TRIM6: variants seen among roughly 807,000 people sequenced by gnomAD.
TRIM6 encodes the protein tripartite motif containing 6.
Under a neutral mutation model 51.2 loss-of-function variants are expected in TRIM6, and 43 were observed. The ratio of observed to expected loss-of-function variants is 0.84; its 90% confidence interval spans 0.66 to 1.08. The LOEUF is 1.08. Among genes scored for constraint, TRIM6 ranks in the 50% least tolerant of loss-of-function variants. The pLI, the probability that TRIM6 is intolerant of heterozygous loss-of-function variation, is 0.00. For missense variants in TRIM6, 669 were observed against 619.0 expected, an observed-to-expected ratio of 1.08 and a Z score of -0.86; for synonymous variants, 215 against 232.4, an observed-to-expected ratio of 0.93 and a Z score of 0.68.
At chr11:5,609,837 C>G (rs574813106) in intron 5 of TRIM6, among the ~76,000 whole-genome samples, 1 of 152,118 alleles carries the variant, frequency 6.6e-6, no homozygotes, top group Non-Finnish European at 1.5e-5. Flanking sequence ...GCAGGAGAAT[C>G]GCTTGAACCT....
At chr11:5,603,811 C>T (rs570422174) in intron 2 of TRIM6, 76 bp downstream of exon 2, 1 of 1,544,968 alleles carries the variant, frequency 6.5e-7, no homozygotes, top group Admixed American at 2.0e-5. Context: ...ATGCTCTGAT[C>T]TAATCTCTTT....
At chr11:5,604,662 G>A in intron 3 of TRIM6, 33 bp downstream of exon 3, 1 of 1,601,672 alleles carries the variant, frequency 6.2e-7, no homozygotes, top group Non-Finnish European at 8.5e-7. Flanking sequence ...ATGTCCTGGG[G>A]CAGGAATCAT....
At chr11:5,607,172 C>G (rs1297559460) in intron 4 of TRIM6, among the ~76,000 whole-genome samples, 1 of 152,028 alleles carries the variant, frequency 6.6e-6, no homozygotes, top group African/African-American at 2.4e-5. Flanking sequence ...CCACTGCACT[C>G]CAGCCTGGGC....
chr11:5,608,365 T>G lies in TRIM6; in HGVS notation c.835-7T>G, dbSNP rs780584718. 4 of 1,613,524 alleles carry G rather than the reference T, an allele frequency of 2.5e-6. No homozygotes were observed. The highest frequency in any genetic ancestry group is 3.4e-6 in the Non-Finnish European group (4 of 1,179,684). ...TCCTTGACTTAACCTGTCTTTTTCC[T>G]TCCTAGGATGTGAGTGATGTCACAG... On this transcript the variant is annotated splice_polypyrimidine_tract_variant and splice_region_variant and intron_variant, in intron 4 of 7. Coordinates refer to ENST00000380097, the MANE Select transcript of TRIM6 (RefSeq NM_001003818.3).
At position 5,604,590 on chromosome 11, in the gene TRIM6, G is replaced by A; in HGVS notation, c.564G>A (p.Lys188=). The A allele has an allele frequency of 1.2e-6, 2 of 1,613,344 alleles. No homozygotes were observed. The highest frequency in any genetic ancestry group is 1.3e-5 in the African/African-American group (1 of 75,016). ...AGAACGAGGAGCAGGAAGCTGAGAA[G>A]CTAACAGCTTTTATCAGAGAGAAGA... ...KLKNEEQEAE[K]LTAFIREKKT... is the part of the protein sequence containing the mutation. Residue 188 remains lysine, a synonymous_variant, in exon 3 of 8, where the codon AAG becomes AAA. Coordinates refer to ENST00000380097, the MANE Select transcript of TRIM6 (RefSeq NM_001003818.3).
Position 5,612,250 on chromosome 11 carries a change from ATTACTTTGTTTTTGTATAAGTATG to A in TRIM6, c.*910_*933del, listed in dbSNP as rs1848605393. The A allele has an allele frequency of 6.6e-6, 1 of 152,216 alleles. No homozygotes were observed. The allele number at this position is 152,216 out of a possible 1,614,324, so 9.4% of individuals were successfully genotyped here. On this transcript the variant is annotated 3_prime_UTR_variant, in exon 8 of 8. Transcript: ENST00000380097. ...ATAAAATGCAATAATAAGCAAATAA[ATTACTTTGTTTTTGTATAAGTATG>A]TATAGGATTGAGCTCTAAAACCAAA...
rs3740999 is a variant in TRIM6 at position 5,610,249 on chromosome 11, A to G, written c.958+4A>G. The stretch of plus-strand genomic sequence containing the variant: ...AGGATGCTGCGAGTGTGTAGAGGTA[A>G]GGAGATTCAGGGGAAAGAGTTTGGA... On this transcript the variant is annotated splice_donor_region_variant and intron_variant, in intron 6 of 7. Coordinates refer to ENST00000380097, the MANE Select transcript of TRIM6 (RefSeq NM_001003818.3). 1 of 1,613,748 alleles carries G rather than the reference A, an allele frequency of 6.2e-7. No homozygotes were observed.
chr11:5,604,179 T>C (rs913309903), intron 2 of TRIM6, among the ~76,000 whole-genome samples: 18 of 150,640 alleles, frequency 1.2e-4, no homozygotes, highest in African/African-American at 4.4e-4. Context: ...TGTGTGTGCG[T>C]GTGTGTGTGT....
rs1848627676 is a variant in TRIM6, at chr11:5,612,844, C to CCTA, written c.*1505_*1507dup. 1 of 152,124 alleles carries CCTA rather than the reference C, an allele frequency of 6.6e-6. No individual in the cohort carries two copies. The highest frequency in any genetic ancestry group is 2.1e-4 in the South Asian group (1 of 4,834). The allele number at this position is 152,124 out of a possible 1,614,324, so 9.4% of individuals were successfully genotyped here. The stretch of plus-strand genomic sequence containing the variant: ...TAAAATATATACCAGATTTCAAATA[C>CCTA]CTACTTCAAAAAATAATGTAAAATA... On this transcript the variant is annotated 3_prime_UTR_variant, in exon 8 of 8. Transcript: ENST00000380097.
chr11:5,603,112 G>T (rs146638889), intron 1 of TRIM6, 134 bp from the exon 2 acceptor site: 2 of 1,423,180 alleles, frequency 1.4e-6, no homozygotes, highest in African/African-American at 1.4e-5. Context: ...GATAAAGAAC[G>T]TATTGGATAT....
At position 5,611,943 on chromosome 11, in the gene TRIM6, T is replaced by C. The variant is rs1848595442; in HGVS notation, c.*601T>C. The stretch of plus-strand genomic sequence containing the variant: ...AATTTAGGAAGTTCTGATCTGTTAA[T>C]TTACTACAAGTTTTTGTATAAAATG... On this transcript the variant is annotated 3_prime_UTR_variant, in exon 8 of 8. Transcript: ENST00000380097. 1 of 152,232 alleles carries C rather than the reference T, an allele frequency of 6.6e-6. No homozygotes were observed. The highest frequency in any genetic ancestry group is 1.5e-5 in the Non-Finnish European group (1 of 68,048). The allele number at this position is 152,232 out of a possible 1,614,324, so 9.4% of individuals were successfully genotyped here.
chr11:5,597,549 T>A (rs1267218867), intron 1 of TRIM6, among the ~76,000 whole-genome samples: 1 of 151,920 alleles, frequency 6.6e-6, no homozygotes, highest in East Asian at 1.9e-4. Context: ...TAAAAAAAAA[T>A]GTTATTCCTA....
At chr11:5,606,943 CCTGT>C in intron 4 of TRIM6, among the ~76,000 whole-genome samples, 1 of 152,212 alleles carries the variant, frequency 6.6e-6, no homozygotes, top group South Asian at 2.1e-4. Flanking sequence ...GTGGCTCACG[CCTGT>C]AATCCCAGCA....
At chr11:5,608,079 G>A (rs1848332537) in intron 4 of TRIM6, among the ~76,000 whole-genome samples, 1 of 152,170 alleles carries the variant, frequency 6.6e-6, no homozygotes, top group African/African-American at 2.4e-5. Context: ...CTCTAGGCCA[G>A]GCACAATGCC....
At position 5,610,550 on chromosome 11, in the gene TRIM6, A is replaced by G; in HGVS notation, c.974A>G (p.Gln325Arg). 6.2e-7 allele frequency: 1 copy of G among 1,613,782 alleles called. No individual in the cohort carries two copies. The highest frequency in any genetic ancestry group is 8.5e-7 in the Non-Finnish European group (1 of 1,179,788). Residue 325 changes from glutamine (Q) to arginine (R), a missense_variant, in exon 7 of 8, where the codon CAA (glutamine) becomes CGA (arginine). Coordinates refer to ENST00000380097, the MANE Select transcript of TRIM6 (RefSeq NM_001003818.3). ...LRVCRELTDV[Q>R]SYWVDVTLNP... is the part of the protein sequence containing the mutation. ...ATCATTACAGAGCTGACAGATGTCC[A>G]AAGCTACTGGGGTAAGTAGAAGCCA...
Position 5,605,433 on chromosome 11 carries a change from G to A in TRIM6, c.700G>A (p.Glu234Lys). The A allele has an allele frequency of 6.2e-7, 1 of 1,614,190 alleles. No individual in the cohort carries two copies. Among genetic ancestry groups the A allele is most frequent in the Non-Finnish European group, 8.5e-7 (1 of 1,180,040 alleles). ...RVEQRELKKL[E>K]QEEKKGLRII... Reference sequence around the variant, plus strand: ...GGAGCAACGGGAGCTGAAAAAGCTGGAACAGGAAGAGAAGAAGGGGCTACG... The same window carrying A: ...GGAGCAACGGGAGCTGAAAAAGCTGAAACAGGAAGAGAAGAAGGGGCTACG... The change falls in exon 4 of 8, where the codon GAA becomes AAA. Residue 234 changes from glutamate to lysine, a missense_variant. Transcript: ENST00000380097.
At chr11:5,601,698 C>T (rs1482204320) in intron 1 of TRIM6, among the ~76,000 whole-genome samples, 2 of 152,132 alleles carry the variant, frequency 1.3e-5, no homozygotes, top group East Asian at 3.9e-4. Context: ...GCAGAGGTTG[C>T]AGTGAGCCGA....
intron 1 of TRIM6, among the ~76,000 whole-genome samples, chr11:5,602,469 A>G (rs1242336859): frequency 2.0e-5 from 3 of 151,650 alleles, no homozygotes; most frequent in Non-Finnish European, 2.9e-5. Context: ...GAGTGATTGT[A>G]TGGTGGCTGT....
Position 5,610,875 on chromosome 11 carries a change from TC to T in TRIM6, c.1086del (p.Cys363ValfsTer25). 2 of 1,614,152 alleles carry T rather than the reference TC, an allele frequency of 1.2e-6. No homozygotes were observed. The highest frequency in any genetic ancestry group is 1.7e-6 in the Non-Finnish European group (2 of 1,180,032). On this transcript the variant is annotated frameshift_variant, in exon 8 of 8. Transcript: ENST00000380097. LOFTEE classifies it low-confidence loss of function (END_TRUNC). ...RFVGAKVSGPSCLEKHYDCSV... is the reference protein window; with the variant it reads ...RFVGAKVSGPXCLEKHYDCSV... ...TGTGGGAGCTAAAGTATCTGGACCT[TC>T]CTGTCTGGAAAAGCATTATGACTGT...
Sources: allele counts gnomAD v4.1 joint callset (sites outside exome capture counted in the v4.1 genomes callset), GRCh38; gene constraint gnomAD v4.1.1; transcripts MANE v1.5; gene names NCBI Gene and HGNC (gene_info 2026-07-23, HGNC 2026-07-21).